The following PARP8 variants were observed in gnomAD, a reference collection of about 807,000 sequenced individuals.
PARP8 encodes poly(ADP-ribose) polymerase family member 8.
A neutral mutation model predicts 124.1 loss-of-function variants in PARP8; 51 were observed. The ratio of observed to expected loss-of-function variants is 0.41; its 90% CI spans 0.33 to 0.52. PARP8 has a LOEUF of 0.52. PARP8 is among the 20% of genes least tolerant of loss of function. The pLI, the probability that PARP8 is intolerant of heterozygous loss-of-function variation, is 0.21. For missense variants in PARP8, 860 were observed against 1,018.9 expected (o/e 0.84, Z 2.12); for synonymous variants, 391 against 361.5 (o/e 1.08, Z -0.93).
At chr5:50,704,062 TTGTTTTC>T (rs1280358100) in intron 2 of PARP8, among the ~76,000 whole-genome samples, 2 of 152,184 alleles carry the variant, frequency 1.3e-5, no homozygotes, top group African/African-American at 4.8e-5. Context: ...TTTGTTTAAC[TTGTTTTC>T]TTAATTCACA....
chr5:50,775,094 G>A (rs1739828293), intron 7 of PARP8, among the ~76,000 whole-genome samples: 1 of 151,852 alleles, frequency 6.6e-6, no homozygotes, highest in Non-Finnish European at 1.5e-5. Flanking sequence ...TGGCAGAGGG[G>A]CTCCTCACAT....
chr5:50,756,423 A>T (rs1050537844), intron 3 of PARP8, among the ~76,000 whole-genome samples: 5 of 151,646 alleles, frequency 3.3e-5, no homozygotes, highest in African/African-American at 7.3e-5. Flanking sequence ...CTCTAAACAA[A>T]TTTTTTTTTA....
At chr5:50,761,281 A>G (rs534480663) in intron 5 of PARP8, among the ~76,000 whole-genome samples, 13 of 152,286 alleles carry the variant, frequency 8.5e-5, no homozygotes, top group African/African-American at 2.9e-4. Flanking sequence ...AAGTTGAAGC[A>G]TATTAAATTA....
At chr5:50,712,135 T>A (rs1187118287) in intron 2 of PARP8, among the ~76,000 whole-genome samples, 2 of 152,162 alleles carry the variant, frequency 1.3e-5, no homozygotes, top group Non-Finnish European at 2.9e-5. Flanking sequence ...TTGAAATAGA[T>A]CACAAAGTGA....
intron 2 of PARP8, among the ~76,000 whole-genome samples, chr5:50,747,650 C>T (rs1247940790): frequency 6.6e-6 from 1 of 151,508 alleles, no homozygotes; most frequent in African/African-American, 2.4e-5. Context: ...ATCTTTAGTC[C>T]TCAGTCTTCT....
At chr5:50,711,689 C>A (rs1754784775) in intron 2 of PARP8, among the ~76,000 whole-genome samples, 1 of 152,080 alleles carries the variant, frequency 6.6e-6, no homozygotes, top group African/African-American at 2.4e-5. Context: ...CGCCCTAAAC[C>A]CCAACCCTCC....
chr5:50,723,404 G>A (rs1756106523), intron 2 of PARP8, among the ~76,000 whole-genome samples: 1 of 152,032 alleles, frequency 6.6e-6, no homozygotes, highest in African/African-American at 2.4e-5. Context: ...CTTTGGTGAT[G>A]ATGATTATGA....
At chr5:50,753,667 A>G (rs751199877) in intron 3 of PARP8, among the ~76,000 whole-genome samples, 1 of 152,086 alleles carries the variant, frequency 6.6e-6, no homozygotes, top group Non-Finnish European at 1.5e-5. Flanking sequence ...AATAGGGATA[A>G]TAATTGACTG....
chr5:50,824,948 AC>A lies in PARP8; in HGVS notation c.1906del (p.Ala637LeufsTer17). 2 of 1,613,186 alleles carry A rather than the reference AC, an allele frequency of 1.2e-6. No homozygotes were observed. Among genetic ancestry groups the A allele is most frequent in the Admixed American group, 1.7e-5 (1 of 59,984 alleles). ...ATCAAGAAGCAAATGGATAAACAGG[AC>A]CCCCTTGCTCATCCCTTACTGCAAT... ...LEIKKQMDKQDPLAHPLLQWV... is the reference protein window; with the variant it reads ...LEIKKQMDKQXPLAHPLLQWV... On this transcript the variant is annotated frameshift_variant, in exon 18 of 26. Coordinates refer to ENST00000281631, the MANE Select transcript of PARP8 (RefSeq NM_024615.4). LOFTEE classifies it high-confidence loss of function.
chr5:50,826,941 T>A, intron 19 of PARP8, 138 bp downstream of exon 19: 1 of 1,267,986 alleles, frequency 7.9e-7, no homozygotes, highest in Non-Finnish European at 1.1e-6. Context: ...ATTCTTTAGT[T>A]TGAAATAGCC....
At chr5:50,766,756 T>C (rs538993005) in intron 7 of PARP8, among the ~76,000 whole-genome samples, 1 of 152,272 alleles carries the variant, frequency 6.6e-6, no homozygotes, top group Non-Finnish European at 1.5e-5. Context: ...ATTGGGCCTT[T>C]TGAGGGTAAC....
At chr5:50,717,432 C>A (rs912936932) in intron 2 of PARP8, among the ~76,000 whole-genome samples, 1 of 151,968 alleles carries the variant, frequency 6.6e-6, no homozygotes. Context: ...ATGGGAAGAA[C>A]AGATTTCAGG....
intron 3 of PARP8, among the ~76,000 whole-genome samples, chr5:50,751,110 A>G (rs1580201299): frequency 6.8e-6 from 1 of 146,306 alleles, no homozygotes; most frequent in East Asian, 2.0e-4. Context: ...ACTTTAAGTC[A>G]AGGTAATAGA....
chr5:50,842,625 A>ACAT lies in PARP8; in HGVS notation c.*559_*561dup, dbSNP rs1748292637. The ACAT allele has an allele frequency of 1.3e-5, 2 of 151,886 alleles. No homozygotes were observed. The highest frequency in any genetic ancestry group is 4.8e-5 in the African/African-American group (2 of 41,404). 9.4% of individuals were successfully genotyped at this position (151,886 alleles called of 1,614,324 possible). Reference sequence around the variant, plus strand: ...CTTTGCCAAAAAGTATGTAATATACACATCTATACATTCATGCATCAAAAT... The same window carrying ACAT: ...CTTTGCCAAAAAGTATGTAATATACACATCATCTATACATTCATGCATCAAAAT... On this transcript the variant is annotated 3_prime_UTR_variant, in exon 26 of 26. Transcript: ENST00000281631.
At chr5:50,796,057 C>T (rs1369671529) in intron 12 of PARP8, among the ~76,000 whole-genome samples, 1 of 152,184 alleles carries the variant, frequency 6.6e-6, no homozygotes. Flanking sequence ...AACTCTTACA[C>T]AAAATTTATC....
At chr5:50,767,355 C>G (rs1329863991) in intron 7 of PARP8, among the ~76,000 whole-genome samples, 2 of 152,122 alleles carry the variant, frequency 1.3e-5, no homozygotes, top group Non-Finnish European at 2.9e-5. Context: ...TCATCCTCTG[C>G]CTCCAAGCCA....
At chr5:50,704,863 T>TCCA (rs1753973296) in intron 2 of PARP8, among the ~76,000 whole-genome samples, 1 of 152,222 alleles carries the variant, frequency 6.6e-6, no homozygotes, top group African/African-American at 2.4e-5. Flanking sequence ...ATGTTCAAAA[T>TCCA]GGTTTTGGAA....
At chr5:50,738,838 C>A in intron 2 of PARP8, 1 of 575,834 alleles carries the variant, frequency 1.7e-6, no homozygotes, top group South Asian at 2.2e-5. Flanking sequence ...CTTGGACGAG[C>A]TTGGCTTAAA....
intron 25 of PARP8, among the ~76,000 whole-genome samples, chr5:50,836,997 A>T (rs909280720): frequency 6.6e-6 from 1 of 151,750 alleles, no homozygotes; most frequent in African/African-American, 2.4e-5. Context: ...AATAGGCAGT[A>T]CCATTTTTAG....
Sources: allele counts gnomAD v4.1 joint callset (sites outside exome capture counted in the v4.1 genomes callset), GRCh38; gene constraint gnomAD v4.1.1; transcripts MANE v1.5; gene names NCBI Gene and HGNC (gene_info 2026-07-23, HGNC 2026-07-21).